The following ZFP64 variants were observed in gnomAD, a reference collection of about 807,000 sequenced individuals.
The protein encoded by ZFP64 is ZFP64 zinc finger protein.
ZFP64 carries 14 observed loss-of-function variants against 51.6 expected under a neutral mutation model. The observed-to-expected ratio is 0.27, with a 90% CI of 0.18 to 0.42. The LOEUF is 0.42. Ranked by LOEUF, ZFP64 falls within the 10% of genes least tolerant of loss-of-function variation. The pLI is 1.00. For missense variants in ZFP64, 754 were observed against 906.8 expected (o/e 0.83, Z 2.16); for synonymous variants, 375 against 361.4 (o/e 1.04, Z -0.43).
chr20:52,168,024 GTATTT>G (rs1327836739), intron 2 of ZFP64, among the ~76,000 whole-genome samples: 4 of 151,994 alleles, frequency 2.6e-5, no homozygotes, highest in African/African-American at 7.2e-5. Flanking sequence ...CTTTTTTTAG[GTATTT>G]TATTTTATAT....
chr20:52,145,679 G>T (rs531850305), intron 5 of ZFP64, among the ~76,000 whole-genome samples: 2 of 151,994 alleles, frequency 1.3e-5, no homozygotes, highest in Non-Finnish European at 2.9e-5. Flanking sequence ...GTAAAAGTAT[G>T]GTATAAAAGA....
intron 5 of ZFP64, among the ~76,000 whole-genome samples, chr20:52,124,192 T>TAAAAAAAAAAAAAAAAAAAAA (rs33931169): frequency 8.8e-6 from 1 of 114,052 alleles, no homozygotes; most frequent in Non-Finnish European, 1.8e-5. Context: ...TTGTTAAATG[T>TAAAAAAAAAAAAAAAAAAAAA]AAAAAAAAAA....
rs139974313 is a variant in ZFP64 at position 52,102,064 on chromosome 20, A to G, written c.764-3477T>C. The stretch of plus-strand genomic sequence containing the variant: ...GGGGCAGAGGTTGCAGTGAGCCCAG[A>G]TCGTGCCACTGCACTCCAGCCTGGT... On this transcript the variant is annotated intron_variant, in intron 5 of 8. Coordinates refer to the ZFP64 transcript ENST00000361387. Among the ~76,000 whole-genome samples the G allele has an allele frequency of 9.5e-3, 1,387 of 145,888 alleles. 29 individuals carry two copies. Among genetic ancestry groups the G allele is most frequent in the African/African-American group, 0.034 (1,319 of 38,844 alleles).
rs376903634 is a variant in ZFP64, at chr20:52,088,796, G to C, written c.977-153C>G. The stretch of plus-strand genomic sequence containing the variant: ...TACTGAAGTCTACATCAGCATATTG[G>C]GAAACAAGAATGTGTATCATTCATT... On this transcript the variant is annotated intron_variant, in intron 7 of 8. Transcript: ENST00000361387. Among the ~76,000 whole-genome samples, 7 of 152,212 alleles carry C rather than the reference G, an allele frequency of 4.6e-5. No homozygotes were observed. In the East Asian group the frequency reaches 9.7e-4, roughly 21 times the overall value.
chr20:52,111,370 C>T (rs1234130148), intron 5 of ZFP64, among the ~76,000 whole-genome samples: 1 of 151,932 alleles, frequency 6.6e-6, no homozygotes. Flanking sequence ...GTATGCACCA[C>T]CACGCCCAGC....
intron 5 of ZFP64, among the ~76,000 whole-genome samples, chr20:52,158,724 G>GAAAT: frequency 6.6e-6 from 1 of 152,018 alleles, no homozygotes; most frequent in Non-Finnish European, 1.5e-5. Context: ...AAGAAAGAAA[G>GAAAT]AAAAAGTCCC....
intron 1 of ZFP64, among the ~76,000 whole-genome samples, chr20:52,188,503 A>G (rs922034884): frequency 1.3e-5 from 2 of 150,242 alleles, no homozygotes; most frequent in Non-Finnish European, 3.0e-5. Flanking sequence ...TTTAGTAGAG[A>G]TGAGGTCTCA....
At chr20:52,137,585 G>A (rs539109888) in intron 5 of ZFP64, among the ~76,000 whole-genome samples, 50 of 152,328 alleles carry the variant, frequency 3.3e-4, no homozygotes, top group Non-Finnish European at 6.0e-4. Context: ...GCTGAAGGGT[G>A]TAAGAAACTA....
chr20:52,171,556 C>T (rs1384525959), intron 2 of ZFP64, among the ~76,000 whole-genome samples: 1 of 151,996 alleles, frequency 6.6e-6, no homozygotes, highest in African/African-American at 2.4e-5. Context: ...ACGGCGCCAT[C>T]TTGGCTCACT....
chr20:52,103,335 A>G (rs1403454347), intron 5 of ZFP64, among the ~76,000 whole-genome samples: 1 of 152,220 alleles, frequency 6.6e-6, no homozygotes, highest in Non-Finnish European at 1.5e-5. Context: ...GCAAATTAAG[A>G]GTGGCCCAAC....
At chr20:52,115,033 C>CA in intron 5 of ZFP64, among the ~76,000 whole-genome samples, 1 of 151,480 alleles carries the variant, frequency 6.6e-6, no homozygotes, top group South Asian at 2.1e-4. Flanking sequence ...CTGTCTCTAC[C>CA]AAAAATACAA....
intron 2 of ZFP64, among the ~76,000 whole-genome samples, chr20:52,167,243 T>C (rs1294436169): frequency 3.9e-5 from 6 of 151,946 alleles, no homozygotes; most frequent in African/African-American, 1.5e-4. Flanking sequence ...GAGAATTGCT[T>C]GAACCTGGGA....
intron 5 of ZFP64, among the ~76,000 whole-genome samples, chr20:52,140,815 C>A (rs1264578166): frequency 1.3e-5 from 2 of 152,066 alleles, no homozygotes; most frequent in Non-Finnish European, 2.9e-5. Flanking sequence ...AAGAAGATAC[C>A]ATCTAGGATG....
exon 9 of ZFP64, chr20:52,084,505 G>A: frequency 6.5e-7 from 1 of 1,537,408 alleles, no homozygotes; most frequent in South Asian, 1.2e-5. Context: ...TGGAGGGCTG[G>A]GCAACAGCAC....
chr20:52,115,953 G>A (rs995880469), intron 5 of ZFP64, among the ~76,000 whole-genome samples: 5 of 152,124 alleles, frequency 3.3e-5, no homozygotes, highest in Admixed American at 1.3e-4. Flanking sequence ...TCCTGCTTCA[G>A]CCTCCCAAGT....
chr20:52,106,243 C>A (rs1012524330), intron 5 of ZFP64, among the ~76,000 whole-genome samples: 1 of 152,122 alleles, frequency 6.6e-6, no homozygotes, highest in Non-Finnish European at 1.5e-5. Flanking sequence ...TCGATGAGAC[C>A]CGAGGGAGAC....
intron 7 of ZFP64, among the ~76,000 whole-genome samples, chr20:52,094,344 C>G (rs192182301): frequency 5.3e-5 from 8 of 152,342 alleles, no homozygotes; most frequent in Admixed American, 4.6e-4. Context: ...TGCTTCAGTT[C>G]ACTTTATAAC....
intron 5 of ZFP64, among the ~76,000 whole-genome samples, chr20:52,116,129 A>G (rs1358782375): frequency 7.0e-6 from 1 of 142,844 alleles, no homozygotes; most frequent in East Asian, 2.1e-4. Context: ...CCACAGCACC[A>G]CGTCAATATT....
intron 2 of ZFP64, among the ~76,000 whole-genome samples, chr20:52,176,699 C>T (rs1298206627): frequency 6.6e-6 from 1 of 151,362 alleles, no homozygotes; most frequent in African/African-American, 2.4e-5. Flanking sequence ...TTAGTAGAGA[C>T]GGGGTTTCAC....
Sources: allele counts gnomAD v4.1 joint callset (sites outside exome capture counted in the v4.1 genomes callset), GRCh38; gene constraint gnomAD v4.1.1; transcripts MANE v1.5; gene names NCBI Gene and HGNC (gene_info 2026-07-23, HGNC 2026-07-21).